Variants in C19orf44 observed in about 807,000 individuals in gnomAD.
C19orf44 encodes the protein chromosome 19 open reading frame 44, also known as uncharacterized protein C19orf44.
In C19orf44, 43 loss-of-function variants were observed where a neutral mutation model predicts 50.7. The observed-to-expected ratio is 0.85, with a 90% CI of 0.66 to 1.09. The LOEUF (loss-of-function observed/expected upper bound fraction) is 1.09, where lower values mean the gene tolerates loss of function less well. Ranked by LOEUF, C19orf44 falls within the 50% of genes least tolerant of loss-of-function variation. C19orf44 has a pLI of 0.00. For synonymous variants in C19orf44, 298 were observed against 334.7 expected (o/e 0.89, Z 1.20); for missense variants, 722 against 836.2 (o/e 0.86, Z 1.68).
Position 16,519,680 on chromosome 19 carries a change from G to C in C19orf44, c.*41-414G>C. 1 of 1,613,970 alleles carries C rather than the reference G, an allele frequency of 6.2e-7. No homozygotes were observed. The highest frequency in any genetic ancestry group is 8.5e-7 in the Non-Finnish European group (1 of 1,179,938). ...TTCTCCGAGCCTTGAGTCAGGGATG[G>C]GAGGCGCCGAATTAGAACCCAGACC... On this transcript the variant is annotated intron_variant, in intron 8 of 8. Transcript: ENST00000221671. This position sits in a 1 kb window ranked among gnomAD's most constrained non-coding sequence, Gnocchi z 6.0.
Position 16,520,110 on chromosome 19 carries a change from C to T in C19orf44, c.*57C>T. The T allele has an allele frequency of 1.3e-6, 2 of 1,593,164 alleles. No individual in the cohort carries two copies. The highest frequency in any genetic ancestry group is 4.2e-4 in the Middle Eastern group (2 of 4,738). ...CATTCACAGCAAAGCACCGCAGCTT[C>T]CCAGAGTTACCAGCGCAGCACTTAA... On this transcript the variant is annotated 3_prime_UTR_variant, in exon 9 of 9. Transcript: ENST00000221671. The surrounding 1 kb of genome is among the most constrained non-coding windows in gnomAD (Gnocchi z 4.0).
rs1159421055 is a variant in C19orf44, at chr19:16,506,605, A to C, written c.1076-96A>C. On this transcript the variant is annotated intron_variant, in intron 3 of 8. Transcript: ENST00000221671. The stretch of plus-strand genomic sequence containing the variant: ...GAGACTCTATCTCAAAAAAAAAAAG[A>C]AAAGAAAAGAAAAAAGAAATTTGGA... 4.7e-6 allele frequency: 4 copies of C among 855,562 alleles called. No individual in the cohort carries two copies. In the East Asian group the frequency reaches 1.2e-4, roughly 26 times the overall value. 53.0% of individuals were successfully genotyped at this position (855,562 alleles called of 1,614,324 possible).
At chr19:16,502,235 CCTTTTTTTTT>C (rs969716580) in intron 2 of C19orf44, among the ~76,000 whole-genome samples, 3 of 127,724 alleles carry the variant, frequency 2.3e-5, no homozygotes, top group African/African-American at 3.3e-5. Context: ...TTCTTTCTTT[CCTTTTTTTTT>C]TTTTTTTTTT....
At chr19:16,497,638 T>C (rs1286163617) in intron 1 of C19orf44, among the ~76,000 whole-genome samples, 3 of 152,118 alleles carry the variant, frequency 2.0e-5, no homozygotes, top group Non-Finnish European at 2.9e-5. Flanking sequence ...CGTGAGCCAC[T>C]GCGCCCGGCT....
At chr19:16,512,941 G>A in intron 5 of C19orf44, 73 bp from the exon 6 acceptor site, 1 of 1,221,368 alleles carries the variant, frequency 8.2e-7, no homozygotes, top group Non-Finnish European at 1.2e-6. Flanking sequence ...TTTATTCCAG[G>A]GTCGTATCTG....
Position 16,509,818 on chromosome 19 carries a change from C to G in C19orf44, c.1469C>G (p.Ser490Cys). The G allele has an allele frequency of 6.2e-7, 1 of 1,614,262 alleles. No homozygotes were observed. Among genetic ancestry groups the G allele is most frequent in the Non-Finnish European group, 8.5e-7 (1 of 1,180,042 alleles). ...ASEPTAHSKE[S>C]LDRTLDALSE... ...GAGCCAACCGCCCATTCCAAGGAGT[C>G]TCTTGACAGAACACTGGACGCTTTG... The change falls in exon 5 of 9, where the codon TCT (serine) becomes TGT (cysteine). Residue 490 changes from serine (S) to cysteine (C), a missense_variant. Ser to Cys is a moderately radical substitution (Grantham distance 112). Coordinates refer to ENST00000221671, the MANE Select transcript of C19orf44 (RefSeq NM_032207.4).
intron 7 of C19orf44, among the ~76,000 whole-genome samples, 197 bp downstream of exon 7, chr19:16,514,860 G>A (rs2093467494): frequency 6.6e-6 from 1 of 152,216 alleles, no homozygotes; most frequent in Admixed American, 6.5e-5. Flanking sequence ...GGTACAGGGT[G>A]GGGTGCTGAG....
intron 5 of C19orf44, 142 bp downstream of exon 5, chr19:16,510,130 A>G: frequency 7.6e-7 from 1 of 1,313,380 alleles, no homozygotes; most frequent in Non-Finnish European, 1.1e-6. Flanking sequence ...GGGTTGGCCA[A>G]GCAAGGTGGC....
chr19:16,502,973 T>G (rs181968124), intron 2 of C19orf44, 92 bp from the exon 3 acceptor site: 1 of 1,212,620 alleles, frequency 8.2e-7, no homozygotes, highest in African/African-American at 1.6e-5. Flanking sequence ...GGCAACAGAG[T>G]GAGACCCTTT....
Position 16,520,537 on chromosome 19 carries a change from C to T in C19orf44, c.*484C>T. ...GGGGAGAGGCCTGATGATCAGGTGC[C>T]CCAGTGGATGGGCTGCACCCAGCCC... On this transcript the variant is annotated 3_prime_UTR_variant, in exon 9 of 9. Transcript: ENST00000221671. This position sits in a 1 kb window ranked among gnomAD's most constrained non-coding sequence, Gnocchi z 4.0. 3.8e-6 allele frequency: 6 copies of T among 1,599,080 alleles called. No homozygotes were observed. Among genetic ancestry groups the T allele is most frequent in the Non-Finnish European group, 5.1e-6 (6 of 1,172,016 alleles).
chr19:16,506,263 C>T (rs1410423461), intron 3 of C19orf44, among the ~76,000 whole-genome samples: 2 of 151,998 alleles, frequency 1.3e-5, no homozygotes, highest in African/African-American at 4.8e-5. Context: ...GCGTGAGTCA[C>T]CGCGCCTGGC....
At chr19:16,506,592 C>CAAAAA in intron 3 of C19orf44, 109 bp from the exon 4 acceptor site, 1 of 613,810 alleles carries the variant, frequency 1.6e-6, no homozygotes. Context: ...GACTCTATCT[C>CAAAAA]AAAAAAAAAA....
chr19:16,515,004 TGGGGCCAGA>T (rs1844638208), intron 7 of C19orf44, among the ~76,000 whole-genome samples: 1 of 152,198 alleles, frequency 6.6e-6, no homozygotes, highest in Non-Finnish European at 1.5e-5. Context: ...ATCCCCGAGA[TGGGGCCAGA>T]GGCGGCCCAG....
At position 16,520,717 on chromosome 19, in the gene C19orf44, G is replaced by T; in HGVS notation, c.*664G>T. The stretch of plus-strand genomic sequence containing the variant: ...CCTTGTGGAAAACACCGCCCCATAG[G>T]CACAGGCTGTGTGAGGGTGGACGTG... On this transcript the variant is annotated 3_prime_UTR_variant, in exon 9 of 9. Coordinates refer to ENST00000221671, the MANE Select transcript of C19orf44 (RefSeq NM_032207.4). This position sits in a 1 kb window ranked among gnomAD's most constrained non-coding sequence, Gnocchi z 4.0. 2 of 1,234,784 alleles carry T rather than the reference G, an allele frequency of 1.6e-6. No homozygotes were observed. The highest frequency in any genetic ancestry group is 2.4e-6 in the Non-Finnish European group (2 of 846,692). 76.5% of individuals were successfully genotyped at this position (1,234,784 alleles called of 1,614,324 possible). A position where few individuals can be genotyped will look rare whatever the true frequency, so the allele number is the denominator to read the frequency against.
chr19:16,514,963 G>C (rs1228958554), intron 7 of C19orf44, among the ~76,000 whole-genome samples: 5 of 152,250 alleles, frequency 3.3e-5, no homozygotes, highest in African/African-American at 1.2e-4. Context: ...CATGGGAGGG[G>C]TCCTGTCCCT....
At chr19:16,501,699 C>A in intron 2 of C19orf44, 148 bp downstream of exon 2, 1 of 514,794 alleles carries the variant, frequency 1.9e-6, no homozygotes, top group Non-Finnish European at 2.9e-6. Flanking sequence ...TCAAGTGATT[C>A]TCCTGCCTCA....
At chr19:16,518,977 C>G in intron 8 of C19orf44, 2 of 634,190 alleles carry the variant, frequency 3.2e-6, no homozygotes, top group Non-Finnish European at 5.3e-6. Flanking sequence ...CCCGTGCCCT[C>G]CACGCCATGG....
chr19:16,505,936 C>A (rs1172375062), intron 3 of C19orf44, among the ~76,000 whole-genome samples: 3 of 152,052 alleles, frequency 2.0e-5, no homozygotes, highest in African/African-American at 4.8e-5. Flanking sequence ...CCCATCTCGG[C>A]CTCCCAAAGT....
intron 7 of C19orf44, among the ~76,000 whole-genome samples, 171 bp downstream of exon 7, chr19:16,514,834 C>A (rs1449415640): frequency 1.3e-5 from 2 of 152,240 alleles, no homozygotes; most frequent in African/African-American, 4.8e-5. Context: ...TTTCCTGCCA[C>A]CCTGTGGCAA....
Sources: allele counts gnomAD v4.1 joint callset (sites outside exome capture counted in the v4.1 genomes callset), GRCh38; gene constraint gnomAD v4.1.1; non-coding constraint Gnocchi (gnomAD v3.1); transcripts MANE v1.5; gene names NCBI Gene and HGNC (gene_info 2026-07-23, HGNC 2026-07-21).